The following MGAM variants were observed in gnomAD, a reference collection of about 807,000 sequenced individuals.
The protein encoded by MGAM is alpha-1,4-glucosidase.
Under a neutral mutation model 358.8 loss-of-function variants are expected in MGAM, and 253 were observed. That is an observed-to-expected ratio of 0.71 (90% CI 0.64 to 0.78). The LOEUF (loss-of-function observed/expected upper bound fraction) is 0.78, where lower values mean the gene tolerates loss of function less well. MGAM is among the 30% of genes least tolerant of loss of function. MGAM has a pLI of 0.00. For missense variants in MGAM, 3,080 were observed against 3,432.6 expected (o/e 0.90, Z 2.57); for synonymous variants, 1,105 against 1,227.1 (o/e 0.90, Z 2.08).
intron 47 of MGAM, 76 bp from the exon 48 acceptor site, chr7:142,078,242 A>G (rs1209998419): frequency 2.6e-6 from 3 of 1,141,760 alleles, no homozygotes; most frequent in African/African-American, 1.5e-5. Context: ...CAAAATAAAT[A>G]AATAAATAAA....
upstream of MGAM, among the ~76,000 whole-genome samples, chr7:141,995,686 C>T (rs928390977): frequency 6.6e-6 from 1 of 152,180 alleles, no homozygotes; most frequent in African/African-American, 2.4e-5. Flanking sequence ...TGGGAGCTGG[C>T]TTTTCCTTCC....
At chr7:142,018,662 T>G (rs782558553) in intron 3 of MGAM, among the ~76,000 whole-genome samples, 11 of 152,228 alleles carry the variant, frequency 7.2e-5, no homozygotes, top group Non-Finnish European at 1.6e-4. Flanking sequence ...AGAATCTATT[T>G]GGGTGTCAAG....
rs74987335 is a variant in MGAM at position 142,023,732 on chromosome 7, A to G, written c.882+1293A>G. Reference sequence around the variant, plus strand: ...AAGAATCTAATCCCTACTCTGTGTAATTTTTAAGCCCAGGCTCTGTACTGT... The same window carrying G: ...AAGAATCTAATCCCTACTCTGTGTAGTTTTTAAGCCCAGGCTCTGTACTGT... On this transcript the variant is annotated intron_variant, in intron 7 of 70. Transcript: ENST00000475668. Among the ~76,000 whole-genome samples, 194 of 152,128 alleles carry G rather than the reference A, an allele frequency of 1.3e-3. 4 individuals are homozygous for G. In the East Asian group the frequency reaches 0.025, roughly 20 times the overall value.
At chr7:142,048,486 A>T (rs1284950684) in intron 22 of MGAM, among the ~76,000 whole-genome samples, 22 of 53,792 alleles carry the variant, frequency 4.1e-4, no homozygotes, top group Non-Finnish European at 1.3e-4. Flanking sequence ...TGCTTAGAAG[A>T]GATGGTTTCA....
At chr7:142,050,402 C>G in intron 23 of MGAM, 118 bp downstream of exon 23, 1 of 1,240,962 alleles carries the variant, frequency 8.1e-7, no homozygotes, top group Non-Finnish European at 1.2e-6. Context: ...GCATTATTGG[C>G]TATAGGTGAG....
chr7:142,052,838 G>A lies in MGAM; in HGVS notation c.3013G>A (p.Val1005Ile). The change falls in exon 26 of 71, where the codon GTC (valine) becomes ATC (isoleucine). Residue 1005 changes from valine (V) to isoleucine (I), a missense_variant. By Grantham distance (29) the Val-to-Ile change is conservative (BLOSUM62 3). Coordinates refer to ENST00000475668, the MANE Select transcript of MGAM (RefSeq NM_001365693.1). ...FCYFVNDLYS[V>I]SDVQYNSHGA... ...CTATTTTGTCAACGACCTATACTCTGTCAGTGATGTTCAGTATAATTCCCA... is the reference window on the plus strand; with the variant it reads ...CTATTTTGTCAACGACCTATACTCTATCAGTGATGTTCAGTATAATTCCCA... The A allele has an allele frequency of 1.2e-6, 2 of 1,613,876 alleles. No individual in the cohort carries two copies. The highest frequency in any genetic ancestry group is 4.5e-5 in the East Asian group (2 of 44,878).
chr7:142,050,382 A>C, intron 23 of MGAM, 98 bp downstream of exon 23: 1 of 1,381,338 alleles, frequency 7.2e-7, no homozygotes, highest in Non-Finnish European at 1.0e-6. Context: ...TTATATTTGT[A>C]ACTTTATATG....
chr7:142,040,304 G>A, intron 20 of MGAM, 133 bp downstream of exon 20: 1 of 724,348 alleles, frequency 1.4e-6, no homozygotes. Context: ...TAATTTCATA[G>A]CAGAACCTGG....
In MGAM at chr7:142,027,593, T is replaced by A. The variant is rs782497733; in HGVS notation, c.1096-17T>A. The A allele has an allele frequency of 1.1e-5, 17 of 1,610,326 alleles. No homozygotes were observed. Among genetic ancestry groups the A allele is most frequent in the Non-Finnish European group, 1.4e-5 (17 of 1,178,878 alleles). ...AACAGAGTATTTGCTAATTTTCACT[T>A]CACATATTTCTTTCAGCTCATTGGG... is the stretch of plus-strand genomic sequence containing the variant. On this transcript the variant is annotated splice_polypyrimidine_tract_variant and intron_variant, in intron 9 of 70. Transcript: ENST00000475668.
chr7:142,021,031 A>G lies in MGAM; in HGVS notation c.506A>G (p.Asp169Gly). ...PSSPVFGSNV[D>G]NVLLTAEYQT... Reference sequence around the variant, plus strand: ...TCACCAGTGTTTGGAAGCAATGTTGACAATGTTCTTCTCACAGCAGAATAT... The same window carrying G: ...TCACCAGTGTTTGGAAGCAATGTTGGCAATGTTCTTCTCACAGCAGAATAT... The change falls in exon 5 of 71, where the codon GAC becomes GGC. Residue 169 changes from aspartate (D) to glycine (G), a missense_variant. Transcript: ENST00000475668. 1 of 1,613,648 alleles carries G rather than the reference A, an allele frequency of 6.2e-7. No homozygotes were observed. The highest frequency in any genetic ancestry group is 8.5e-7 in the Non-Finnish European group (1 of 1,179,700).
chr7:142,070,883 G>GT lies in MGAM; in HGVS notation c.5062-110dup. The GT allele has an allele frequency of 8.0e-6, 11 of 1,374,284 alleles. 2 individuals are homozygous for GT. The South Asian group carries it at 1.1e-4, about 14-fold the overall frequency. 85.1% of individuals were successfully genotyped at this position (1,374,284 alleles called of 1,614,324 possible). A position where few individuals can be genotyped will look rare whatever the true frequency, so the allele number is the denominator to read the frequency against. On this transcript the variant is annotated intron_variant, in intron 43 of 70. Transcript: ENST00000475668. ...GGTAATAGCAGGTATGTTGCAAAGGGTGATGAACAGGCATAAGTTCAGAGG... is the reference window on the plus strand; with the variant it reads ...GGTAATAGCAGGTATGTTGCAAAGGGTTGATGAACAGGCATAAGTTCAGAGG...
At position 142,056,876 on chromosome 7, in the gene MGAM, G is replaced by T. The variant is rs769494808; in HGVS notation, c.3627G>T (p.Gly1209=). 2 of 1,613,848 alleles carry T rather than the reference G, an allele frequency of 1.2e-6. No individual in the cohort carries two copies. Among genetic ancestry groups the T allele is most frequent in the Admixed American group, 1.7e-5 (1 of 60,016 alleles). The change falls in exon 30 of 71, where the codon GGG becomes GGT. Residue 1209 remains glycine (G), a synonymous_variant. Coordinates refer to ENST00000475668, the MANE Select transcript of MGAM (RefSeq NM_001365693.1). ...CTGCCTTGACATACCGCACCACAGG[G>T]GGAGTTCTGGACTTTTATGTGTTCT... The part of the protein sequence containing the change: ...PLPALTYRTT[G]GVLDFYVFLG...
At position 142,066,952 on chromosome 7, in the gene MGAM, A is replaced by G. The variant is rs192662064; in HGVS notation, c.4919+231A>G. On this transcript the variant is annotated intron_variant, in intron 41 of 70. Transcript: ENST00000475668. ...GAAAATTGAAATGATGCAGTACAGC[A>G]TAGAATAGTTTCATTCTAATTTGGT... is the stretch of plus-strand genomic sequence containing the variant. Among the ~76,000 whole-genome samples, 15 of 146,646 alleles carry G rather than the reference A, an allele frequency of 1.0e-4. 1 individual carries two copies. In the East Asian group the frequency reaches 1.8e-3, roughly 18 times the overall value.
At chr7:142,096,252 C>T in intron 64 of MGAM, 79 bp from the exon 65 acceptor site, 1 of 1,331,992 alleles carries the variant, frequency 7.5e-7, no homozygotes, top group Non-Finnish European at 1.1e-6. Context: ...CGACTTGGAT[C>T]TGAACTTGAG....
Position 142,080,898 on chromosome 7 carries a change from G to T in MGAM, c.5955G>T (p.Lys1985Asn), listed in dbSNP as rs1814204712. ...EGQLYDVLIKKNPFGIEIRRK... is the reference protein window; with the variant it reads ...EGQLYDVLIKNNPFGIEIRRK... ...AACTCTATGATGTCCTCATTAAGAAGAATCCATTTGGGATTGAAATTCGCC... is the reference window on the plus strand; with the variant it reads ...AACTCTATGATGTCCTCATTAAGAATAATCCATTTGGGATTGAAATTCGCC... Residue 1985 changes from lysine (K) to asparagine (N), a missense_variant, in exon 50 of 71, where the codon AAG becomes AAT. By Grantham distance (94) the Lys-to-Asn change is moderately conservative. Around this residue, in one of 5 missense-constraint regions of MGAM, gnomAD observed 932 missense variants for 1,198.2 expected, o/e 0.78. Transcript: ENST00000475668. 1 of 1,556,446 alleles carries T rather than the reference G, an allele frequency of 6.4e-7. No homozygotes were observed. Among genetic ancestry groups the T allele is most frequent in the Non-Finnish European group, 8.8e-7 (1 of 1,132,556 alleles).
At chr7:142,037,728 G>T (rs912967779) in intron 18 of MGAM, among the ~76,000 whole-genome samples, 1 of 152,096 alleles carries the variant, frequency 6.6e-6, no homozygotes, top group Non-Finnish European at 1.5e-5. Context: ...CTGAAGTTAT[G>T]AAATGTATTG....
chr7:142,021,636 G>A lies in MGAM; in HGVS notation c.609G>A (p.Gln203=). ...TTGAAGTGCCCCACGAACACGTGCAGTCCTTCAGTGGAAATGCTGCTGCTT... is the reference window on the plus strand; with the variant it reads ...TTGAAGTGCCCCACGAACACGTGCAATCCTTCAGTGGAAATGCTGCTGCTT... The part of the protein sequence containing the change: ...NRFEVPHEHV[Q]SFSGNAAASL... Residue 203 remains glutamine (Q), a synonymous_variant, in exon 6 of 71, where the codon CAG becomes CAA. Transcript: ENST00000475668. The A allele has an allele frequency of 6.2e-7, 1 of 1,613,950 alleles. No homozygotes were observed. Among genetic ancestry groups the A allele is most frequent in the Non-Finnish European group, 8.5e-7 (1 of 1,179,828 alleles).
At chr7:142,040,368 C>A (rs1299227161) in intron 20 of MGAM, 197 bp downstream of exon 20, 2 of 594,718 alleles carry the variant, frequency 3.4e-6, no homozygotes, top group Non-Finnish European at 5.9e-6. Flanking sequence ...GAAAAAATAC[C>A]TTCATATACT....
Position 142,045,453 on chromosome 7 carries a change from T to C in MGAM, c.2499-2332T>C, listed in dbSNP as rs376187430. Among the ~76,000 whole-genome samples, 14 of 111,860 alleles carry C rather than the reference T, an allele frequency of 1.3e-4. No individual in the cohort carries two copies. The East Asian group carries it at 1.8e-3, about 14-fold the overall frequency. The allele number at this position is 111,860 out of a possible 152,430, so 73.4% of individuals were successfully genotyped here. A position where few individuals can be genotyped will look rare whatever the true frequency, so the allele number is the denominator to read the frequency against. On this transcript the variant is annotated intron_variant, in intron 21 of 70. Coordinates refer to ENST00000475668, the MANE Select transcript of MGAM (RefSeq NM_001365693.1). ...CATGATATATTATATATACCTATAA[T>C]ACATGATATATTATATATATTATAT...
Sources: allele counts gnomAD v4.1 joint callset (sites outside exome capture counted in the v4.1 genomes callset), GRCh38; gene constraint gnomAD v4.1.1; regional missense constraint gnomAD v4.1.1; transcripts MANE v1.5; gene names NCBI Gene and HGNC (gene_info 2026-07-23, HGNC 2026-07-21).